The following GRIN2A variants were observed in gnomAD, a reference collection of about 807,000 sequenced individuals.
The protein encoded by GRIN2A is glutamate receptor ionotropic, NMDA 2A.
GRIN2A carries 22 observed loss-of-function variants against 113.4 expected under a neutral mutation model. The ratio of observed to expected loss-of-function variants is 0.19; its 90% CI spans 0.14 to 0.28. The LOEUF (loss-of-function observed/expected upper bound fraction) is 0.28, where lower values mean the gene tolerates loss of function less well. GRIN2A is among the 10% of genes least tolerant of loss of function. The pLI, the probability that GRIN2A is intolerant of heterozygous loss-of-function variation, is 1.00. For synonymous variants in GRIN2A, 827 were observed against 738.4 expected (o/e 1.12, Z -1.94); for missense variants, 1,502 against 1,887.0 (o/e 0.80, Z 3.78).
At chr16:9,946,154 A>C (rs1394071146) in intron 2 of GRIN2A, among the ~76,000 whole-genome samples, 1 of 152,158 alleles carries the variant, frequency 6.6e-6, no homozygotes, top group African/African-American at 2.4e-5. Context: ...GGCCCTGCTG[A>C]GATTCAGACC....
chr16:9,959,821 A>T (rs1020786075), intron 2 of GRIN2A, among the ~76,000 whole-genome samples: 4 of 152,186 alleles, frequency 2.6e-5, no homozygotes. Flanking sequence ...TAAAAATACA[A>T]AAACTACCTG....
In GRIN2A at chr16:9,793,484, G is replaced by C. The variant is rs149790786; in HGVS notation, c.2356+4793C>G. On this transcript the variant is annotated intron_variant, in intron 11 of 12. Transcript: ENST00000330684. Reference sequence around the variant, plus strand: ...CAAAGCCAGAAATGCCATTCTTTAAGTCCAAGGCTTACCCAGTCTTCAGGT... The same window carrying C: ...CAAAGCCAGAAATGCCATTCTTTAACTCCAAGGCTTACCCAGTCTTCAGGT... Among the ~76,000 whole-genome samples, 394 of 152,072 alleles carry C rather than the reference G, an allele frequency of 2.6e-3. 5 individuals carry two copies. Among genetic ancestry groups the C allele is most frequent in the Non-Finnish European group, 6.8e-4 (46 of 68,014 alleles).
At chr16:10,054,360 A>G (rs1596465580) in intron 2 of GRIN2A, among the ~76,000 whole-genome samples, 1 of 152,234 alleles carries the variant, frequency 6.6e-6, no homozygotes, top group Non-Finnish European at 1.5e-5. Context: ...TCCGTTTTAC[A>G]TCTATCATAT....
intron 12 of GRIN2A, among the ~76,000 whole-genome samples, chr16:9,768,058 T>C (rs1901028156): frequency 6.6e-6 from 1 of 152,142 alleles, no homozygotes; most frequent in Non-Finnish European, 1.5e-5. Context: ...TTATTTTTTG[T>C]TTTTATTTTT....
intron 2 of GRIN2A, among the ~76,000 whole-genome samples, chr16:10,054,315 A>G (rs951716651): frequency 7.9e-5 from 12 of 152,226 alleles, no homozygotes; most frequent in African/African-American, 2.4e-5. Flanking sequence ...CAACTTCTTA[A>G]TAAGATAAAT....
At chr16:9,768,078 G>A (rs140073270) in intron 12 of GRIN2A, among the ~76,000 whole-genome samples, 7 of 151,954 alleles carry the variant, frequency 4.6e-5, no homozygotes, top group African/African-American at 1.7e-4. Context: ...TTTGTGAGAC[G>A]GAGTCTCGCT....
chr16:9,909,850 T>C (rs576524853), intron 3 of GRIN2A, among the ~76,000 whole-genome samples: 1 of 152,342 alleles, frequency 6.6e-6, no homozygotes, highest in East Asian at 1.9e-4. Flanking sequence ...GAATTTTATG[T>C]CTCTAAAAGA....
chr16:9,859,236 C>A (rs2043020618), intron 4 of GRIN2A, among the ~76,000 whole-genome samples: 1 of 151,672 alleles, frequency 6.6e-6, no homozygotes, highest in Non-Finnish European at 1.5e-5. Context: ...TATACCTACA[C>A]ATATTCACAA....
In GRIN2A at chr16:10,182,408, G is replaced by C. The variant is rs1258567926; in HGVS notation, c.-550C>G. On this transcript the variant is annotated 5_prime_UTR_variant, in exon 1 of 13. Coordinates refer to ENST00000330684, the MANE Select transcript of GRIN2A (RefSeq NM_001134407.3). ...TGTGCGACCGGGAGCTGCTGAGCGAGGGAGGTAGGGAGAGAAAGAGGAGGT... is the reference window on the plus strand; with the variant it reads ...TGTGCGACCGGGAGCTGCTGAGCGACGGAGGTAGGGAGAGAAAGAGGAGGT... The C allele has an allele frequency of 6.6e-6, 1 of 152,224 alleles. No individual in the cohort carries two copies. The highest frequency in any genetic ancestry group is 6.5e-5 in the Admixed American group (1 of 15,280). The allele number at this position is 152,224 out of a possible 1,614,324, so 9.4% of individuals were successfully genotyped here.
rs2047846464 is a variant in GRIN2A at position 10,075,243 on chromosome 16, C to T, written c.414+104755G>A. Among the ~76,000 whole-genome samples, 3 of 152,076 alleles carry T rather than the reference C, an allele frequency of 2.0e-5. No homozygotes were observed. In the South Asian group the frequency reaches 6.2e-4, roughly 32 times the overall value. ...CACTTAAAGGTCCTCCTCCCTCCTT[C>T]CCTTTCATCCTGAGTTTGAGAGTTT... On this transcript the variant is annotated intron_variant, in intron 2 of 12. Coordinates refer to ENST00000330684, the MANE Select transcript of GRIN2A (RefSeq NM_001134407.3).
chr16:9,852,568 T>A (rs953492846), intron 4 of GRIN2A, among the ~76,000 whole-genome samples: 1 of 152,158 alleles, frequency 6.6e-6, no homozygotes, highest in Non-Finnish European at 1.5e-5. Flanking sequence ...CAAGTATCCA[T>A]GGGTCAGCCA....
At chr16:10,179,528 T>C (rs2050215631) in intron 2 of GRIN2A, 1 of 181,274 alleles carries the variant, frequency 5.5e-6, no homozygotes, top group African/African-American at 2.4e-5. Context: ...CTACCCACAT[T>C]TAATAATTTT....
At chr16:9,939,162 T>C (rs1331296787) in intron 2 of GRIN2A, among the ~76,000 whole-genome samples, 2 of 152,158 alleles carry the variant, frequency 1.3e-5, no homozygotes. Context: ...GAACACCTTA[T>C]TAAGTGTTCT....
intron 2 of GRIN2A, among the ~76,000 whole-genome samples, chr16:10,153,009 G>A (rs371349429): frequency 6.6e-6 from 1 of 152,122 alleles, no homozygotes; most frequent in African/African-American, 2.4e-5. Context: ...CTATAGTGGT[G>A]GATACAAGTC....
At chr16:10,122,766 C>T (rs1216806083) in intron 2 of GRIN2A, among the ~76,000 whole-genome samples, 1 of 152,096 alleles carries the variant, frequency 6.6e-6, no homozygotes, top group Non-Finnish European at 1.5e-5. Context: ...AATTGACGCA[C>T]GATCAGCATA....
chr16:9,764,419 C>G lies in GRIN2A; in HGVS notation c.3125G>C (p.Arg1042Thr). 1 of 1,614,028 alleles carries G rather than the reference C, an allele frequency of 6.2e-7. No homozygotes were observed. The highest frequency in any genetic ancestry group is 8.5e-7 in the Non-Finnish European group (1 of 1,179,952). Reference sequence around the variant, plus strand: ...CCTAGGGCTCTTTAGGGAGTGGGTCCTATTCTCTGCTGTTGCCTCATCCCT... The same window carrying G: ...CCTAGGGCTCTTTAGGGAGTGGGTCGTATTCTCTGCTGTTGCCTCATCCCT... ...SQRDEATAEN[R>T]THSLKSPRYL... is the part of the protein sequence containing the mutation. Residue 1042 changes from arginine (R) to threonine (T), a missense_variant, in exon 13 of 13, where the codon AGG (arginine) becomes ACG (threonine). By Grantham distance (71) the Arg-to-Thr change is moderately conservative. Coordinates refer to ENST00000330684, the MANE Select transcript of GRIN2A (RefSeq NM_001134407.3).
At position 9,760,497 on chromosome 16, in the gene GRIN2A, A is replaced by T; in HGVS notation, c.*2652T>A. 1 of 223,114 alleles carries T rather than the reference A, an allele frequency of 4.5e-6. No homozygotes were observed. 13.8% of individuals were successfully genotyped at this position (223,114 alleles called of 1,614,324 possible). On this transcript the variant is annotated 3_prime_UTR_variant, in exon 13 of 13. Transcript: ENST00000330684. ...TTTCTGATTATTTATTTGAAAAAAC[A>T]CTTCGGTCAGTGAAAAGAATATATA...
chr16:10,027,257 C>T (rs1014536210), intron 2 of GRIN2A, among the ~76,000 whole-genome samples: 1 of 152,180 alleles, frequency 6.6e-6, no homozygotes, highest in South Asian at 2.1e-4. Flanking sequence ...GCCCATATTA[C>T]AGATGAGGAA....
At chr16:9,808,525 T>G (rs1032548862) in intron 10 of GRIN2A, among the ~76,000 whole-genome samples, 2 of 152,314 alleles carry the variant, frequency 1.3e-5, no homozygotes, top group South Asian at 4.2e-4. Flanking sequence ...ATGTGTTAGA[T>G]AGAATGCAGG....
Sources: allele counts gnomAD v4.1 joint callset (sites outside exome capture counted in the v4.1 genomes callset), GRCh38; gene constraint gnomAD v4.1.1; transcripts MANE v1.5; gene names NCBI Gene and HGNC (gene_info 2026-07-23, HGNC 2026-07-21).